Variants in ZEB2 observed in about 807,000 individuals in gnomAD.
The protein encoded by ZEB2 is zinc finger E-box-binding homeobox 2.
Under a neutral mutation model 99.9 loss-of-function variants are expected in ZEB2, and 6 were observed. The ratio of observed to expected loss-of-function variants is 0.06; its 90% CI spans 0.03 to 0.12. ZEB2 has a LOEUF of 0.12. Among genes scored for constraint, ZEB2 ranks in the 10% least tolerant of loss-of-function variants. The probability of loss-of-function intolerance (pLI) is 1.00; values close to 1 mark genes in which losing one functional copy is unlikely to be tolerated. For missense variants in ZEB2, 969 were observed against 1,502.8 expected, an observed-to-expected ratio of 0.64 and a Z score of 5.87; for synonymous variants, 517 against 542.5, an observed-to-expected ratio of 0.95 and a Z score of 0.65.
intron 2 of ZEB2, chr2:144,513,792 C>T: frequency 6.5e-7 from 1 of 1,536,138 alleles, no homozygotes; most frequent in South Asian, 1.2e-5. Context: ...ATTTCTGACT[C>T]CAAGGCTGTG....
chr2:144,444,359 C>CT (rs1303447588), intron 2 of ZEB2, among the ~76,000 whole-genome samples: 2 of 152,130 alleles, frequency 1.3e-5, no homozygotes, highest in Admixed American at 1.3e-4. Flanking sequence ...TCAAGTTAAG[C>CT]TTTTTTTGGA....
intron 2 of ZEB2, among the ~76,000 whole-genome samples, chr2:144,510,526 G>A (rs111400321): frequency 0.012 from 1,805 of 152,200 alleles, 20 homozygotes; most frequent in Non-Finnish European, 0.018. Flanking sequence ...AGTGTTGAGC[G>A]GGTGGCCATG....
intron 4 of ZEB2, among the ~76,000 whole-genome samples, chr2:144,413,021 A>G (rs1462828733): frequency 1.3e-5 from 2 of 152,112 alleles, no homozygotes; most frequent in African/African-American, 4.8e-5. Context: ...TTGAATTTCA[A>G]TTTCCTCATC....
At chr2:144,513,484 T>G (rs1705076525) in intron 2 of ZEB2, 1 of 1,516,236 alleles carries the variant, frequency 6.6e-7, no homozygotes, top group African/African-American at 1.4e-5. Context: ...TTTTCTCTCC[T>G]CCTAATTCAG....
chr2:144,406,763 A>G (rs1265065192), intron 4 of ZEB2, among the ~76,000 whole-genome samples: 3 of 152,212 alleles, frequency 2.0e-5, no homozygotes, highest in African/African-American at 7.2e-5. Flanking sequence ...GGATGAAACT[A>G]TGATTATTTG....
intron 2 of ZEB2, among the ~76,000 whole-genome samples, chr2:144,468,648 CA>C (rs2149908110): frequency 6.8e-6 from 1 of 147,164 alleles, no homozygotes; most frequent in East Asian, 2.0e-4. Context: ...TACATGCACA[CA>C]CATGTTTGCG....
chr2:144,503,041 A>C (rs1485380378), intron 2 of ZEB2, among the ~76,000 whole-genome samples: 1 of 152,178 alleles, frequency 6.6e-6, no homozygotes, highest in Non-Finnish European at 1.5e-5. Flanking sequence ...ATAAATAATG[A>C]CTTTCAACCA....
At chr2:144,390,099 G>A (rs1208313391) in intron 9 of ZEB2, 71 bp from the exon 10 acceptor site, 3 of 1,493,120 alleles carry the variant, frequency 2.0e-6, no homozygotes, top group African/African-American at 1.4e-5. Flanking sequence ...AATTCTGTAC[G>A]CGAGTCCAGA....
chr2:144,468,748 C>T (rs748424764), intron 2 of ZEB2, among the ~76,000 whole-genome samples: 4 of 152,066 alleles, frequency 2.6e-5, no homozygotes, highest in Non-Finnish European at 5.9e-5. Flanking sequence ...CAGAAATGGG[C>T]TGTGCTGCTA....
intron 2 of ZEB2, among the ~76,000 whole-genome samples, chr2:144,442,815 T>C (rs1029117957): frequency 2.4e-4 from 37 of 152,248 alleles, no homozygotes; most frequent in African/African-American, 7.9e-4. Flanking sequence ...TCAGTTTAAG[T>C]TTTTTTAAAA....
intron 2 of ZEB2, among the ~76,000 whole-genome samples, chr2:144,445,528 A>T (rs1345772347): frequency 6.6e-6 from 1 of 152,132 alleles, no homozygotes; most frequent in Admixed American, 6.5e-5. Context: ...AGCTGATTAC[A>T]GATACACATT....
At chr2:144,422,436 C>T (rs1362307988) in intron 4 of ZEB2, among the ~76,000 whole-genome samples, 1 of 152,162 alleles carries the variant, frequency 6.6e-6, no homozygotes, top group South Asian at 2.1e-4. Flanking sequence ...GTATTTAGTT[C>T]GAATTCTACC....
intron 2 of ZEB2, among the ~76,000 whole-genome samples, chr2:144,470,791 T>C (rs1305501621): frequency 1.3e-5 from 2 of 152,118 alleles, no homozygotes; most frequent in African/African-American, 4.8e-5. Context: ...TTCCAGCATC[T>C]AGTCAGCAGA....
intron 2 of ZEB2, chr2:144,513,913 C>T: frequency 6.7e-7 from 1 of 1,485,892 alleles, no homozygotes; most frequent in East Asian, 2.5e-5. Context: ...TGAGGATCAT[C>T]TGACTGAACT....
chr2:144,513,854 C>T (rs1409919091), intron 2 of ZEB2: 7 of 1,532,970 alleles, frequency 4.6e-6, no homozygotes, highest in Admixed American at 2.0e-5. Context: ...CTGGGTTTTC[C>T]CCCTCCTCTC....
At chr2:144,392,439 T>C (rs1050013383) in intron 9 of ZEB2, among the ~76,000 whole-genome samples, 8 of 152,232 alleles carry the variant, frequency 5.3e-5, no homozygotes, top group African/African-American at 1.9e-4. Context: ...CTTAGAGATA[T>C]GCCTTGGTTA....
At chr2:144,422,153 A>C (rs928989697) in intron 4 of ZEB2, among the ~76,000 whole-genome samples, 1 of 152,220 alleles carries the variant, frequency 6.6e-6, no homozygotes, top group Non-Finnish European at 1.5e-5. Flanking sequence ...AGTGACTTCC[A>C]GTTGGTCTCT....
At chr2:144,490,914 T>C (rs575479789) in intron 2 of ZEB2, among the ~76,000 whole-genome samples, 1 of 152,368 alleles carries the variant, frequency 6.6e-6, no homozygotes, top group Admixed American at 6.5e-5. Flanking sequence ...GGAATGTGTC[T>C]GCTCGTGCAG....
At chr2:144,402,880 A>T (rs1487805506) in intron 6 of ZEB2, among the ~76,000 whole-genome samples, 2 of 152,240 alleles carry the variant, frequency 1.3e-5, no homozygotes, top group East Asian at 3.8e-4. Flanking sequence ...CTAAAATAGT[A>T]AAATTCCATA....
Sources: allele counts gnomAD v4.1 joint callset (sites outside exome capture counted in the v4.1 genomes callset), GRCh38; gene constraint gnomAD v4.1.1; transcripts MANE v1.5; gene names NCBI Gene and HGNC (gene_info 2026-07-23, HGNC 2026-07-21).